The following GSAP variants were observed in gnomAD, a reference collection of about 807,000 sequenced individuals.
GSAP encodes gamma-secretase-activating protein.
Under a neutral mutation model 131.7 loss-of-function variants are expected in GSAP, and 118 were observed. The ratio of observed to expected loss-of-function variants is 0.90; its 90% CI spans 0.77 to 1.04. GSAP has a LOEUF of 1.04. Among genes scored for constraint, GSAP ranks in the 50% least tolerant of loss-of-function variants. The pLI is 0.00. For synonymous variants in GSAP, 381 were observed against 363.4 expected (o/e 1.05, Z -0.55); for missense variants, 1,019 against 1,013.2 (o/e 1.01, Z -0.08).
At chr7:77,359,568 T>C (rs565536568) in intron 14 of GSAP, among the ~76,000 whole-genome samples, 1 of 152,324 alleles carries the variant, frequency 6.6e-6, no homozygotes, top group East Asian at 1.9e-4. Flanking sequence ...ACAATATTGT[T>C]GTCATAAAAA....
At chr7:77,340,252 C>T (rs1221812456) in intron 19 of GSAP, among the ~76,000 whole-genome samples, 1 of 152,214 alleles carries the variant, frequency 6.6e-6, no homozygotes, top group Non-Finnish European at 1.5e-5. Flanking sequence ...AGTCCCACCC[C>T]TCTATCTCCT....
chr7:77,384,059 A>C (rs1249130862), intron 6 of GSAP, among the ~76,000 whole-genome samples: 3 of 152,258 alleles, frequency 2.0e-5, no homozygotes, highest in Non-Finnish European at 2.9e-5. Context: ...TTGTCTCATA[A>C]TTTGTAAAAT....
chr7:77,314,333 C>T (rs746137922), intron 27 of GSAP, 37 bp downstream of exon 27: 1 of 1,610,886 alleles, frequency 6.2e-7, no homozygotes, highest in Non-Finnish European at 8.5e-7. Context: ...GGTGCTCAGG[C>T]TGGAACTAGC....
intron 1 of GSAP, among the ~76,000 whole-genome samples, chr7:77,414,843 A>C (rs1227064986): frequency 6.8e-5 from 4 of 58,426 alleles, no homozygotes; most frequent in African/African-American, 2.4e-4. Flanking sequence ...CATGTGGGCG[A>C]CTTTTTTTTT....
chr7:77,331,095 C>T (rs542134969), intron 19 of GSAP, among the ~76,000 whole-genome samples: 5 of 152,222 alleles, frequency 3.3e-5, no homozygotes, highest in East Asian at 1.9e-4. Flanking sequence ...GGGCGGATCA[C>T]GAAGTCAGGA....
chr7:77,337,897 T>C, intron 19 of GSAP, among the ~76,000 whole-genome samples: 1 of 152,134 alleles, frequency 6.6e-6, no homozygotes, highest in East Asian at 1.9e-4. Context: ...ATGTGTGTAA[T>C]CCCAGCACTT....
At chr7:77,383,532 G>A (rs1014277641) in intron 6 of GSAP, among the ~76,000 whole-genome samples, 1 of 152,174 alleles carries the variant, frequency 6.6e-6, no homozygotes, top group African/African-American at 2.4e-5. Context: ...TGAAAGCACA[G>A]AACGACTGTC....
chr7:77,323,527 G>A lies in GSAP; in HGVS notation c.1923+120C>T, dbSNP rs887189789. The A allele has an allele frequency of 2.6e-5, 14 of 541,604 alleles. 1 individual carries two copies. The highest frequency in any genetic ancestry group is 1.6e-4 in the South Asian group (6 of 37,500). The allele number at this position is 541,604 out of a possible 1,614,324, so 33.5% of individuals were successfully genotyped here. A position where few individuals can be genotyped will look rare whatever the true frequency, so the allele number is the denominator to read the frequency against. ...CAGCACCAAATACTGATTTAAGAAC[G>A]GGAGATCTCCAAAAATCTAATTTGA... On this transcript the variant is annotated intron_variant, in intron 24 of 30. Transcript: ENST00000257626.
At chr7:77,351,735 C>T in intron 18 of GSAP, 1 of 985,730 alleles carries the variant, frequency 1.0e-6, no homozygotes. Flanking sequence ...GTGATATTCT[C>T]ACACCACATC....
intron 12 of GSAP, among the ~76,000 whole-genome samples, chr7:77,367,161 T>G (rs1386865503): frequency 6.6e-6 from 1 of 152,212 alleles, no homozygotes; most frequent in Non-Finnish European, 1.5e-5. Flanking sequence ...TCATGCCGTA[T>G]GCAAACAGGG....
intron 22 of GSAP, 57 bp downstream of exon 22, chr7:77,328,549 G>A (rs1017409009): frequency 4.1e-5 from 65 of 1,590,880 alleles, no homozygotes; most frequent in Non-Finnish European, 4.9e-5. Flanking sequence ...GAAGAACAGT[G>A]CTACAAACAA....
At chr7:77,350,593 A>AT (rs1337514638) in intron 18 of GSAP, among the ~76,000 whole-genome samples, 1 of 145,420 alleles carries the variant, frequency 6.9e-6, no homozygotes, top group African/African-American at 2.6e-5. Context: ...AAAAAAAAAA[A>AT]TTAGCCAGCC....
rs764872926 is a variant in GSAP, at chr7:77,311,456, A to G, written c.2474-7T>C. 3.3e-5 allele frequency: 52 copies of G among 1,553,650 alleles called. No homozygotes were observed. Among genetic ancestry groups the G allele is most frequent in the Non-Finnish European group, 3.9e-5 (44 of 1,125,914 alleles). ...CCTTCAAAAGGATACAGGGCTGGAA[A>G]AAAATGGGGAGAGGGCAGGGAAAAA... On this transcript the variant is annotated splice_polypyrimidine_tract_variant and splice_region_variant and intron_variant, in intron 30 of 30. Transcript: ENST00000257626.
At chr7:77,328,139 T>C (rs760870329) in intron 22 of GSAP, 6 of 851,696 alleles carry the variant, frequency 7.0e-6, no homozygotes, top group Admixed American at 6.1e-5. Context: ...AAGCCTGTGC[T>C]CTTTCCCCCA....
intron 18 of GSAP, chr7:77,350,978 T>TA (rs559996884): frequency 2.7e-4 from 79 of 294,684 alleles, no homozygotes; most frequent in South Asian, 1.5e-3. Flanking sequence ...TTCATTTCCT[T>TA]AAAAAAAAGT....
At chr7:77,359,624 A>G (rs1794261006) in intron 14 of GSAP, among the ~76,000 whole-genome samples, 1 of 152,214 alleles carries the variant, frequency 6.6e-6, no homozygotes, top group African/African-American at 2.4e-5. Context: ...TTGTGCCTAT[A>G]AAATATGCTT....
chr7:77,352,867 T>C (rs943616592), intron 18 of GSAP, 77 bp downstream of exon 18: 5 of 827,182 alleles, frequency 6.0e-6, no homozygotes, highest in Non-Finnish European at 1.0e-5. Flanking sequence ...TTGATGGCTA[T>C]AAGAGAGGTG....
At chr7:77,340,151 C>T (rs932175797) in intron 19 of GSAP, among the ~76,000 whole-genome samples, 28 of 152,184 alleles carry the variant, frequency 1.8e-4, no homozygotes, top group South Asian at 6.2e-4. Flanking sequence ...AGAAGCTCCC[C>T]GACTGAGCAC....
At chr7:77,379,312 A>G (rs970900329) in intron 8 of GSAP, among the ~76,000 whole-genome samples, 2 of 151,526 alleles carry the variant, frequency 1.3e-5, no homozygotes, top group Non-Finnish European at 2.9e-5. Flanking sequence ...GATAAGCCTA[A>G]TACCATCTCT....
Sources: gnomAD v4.1 joint callset for allele counts (sites outside exome capture counted in the v4.1 genomes callset) on GRCh38, gnomAD v4.1.1 for gene constraint, MANE v1.5 for transcripts, NCBI Gene and HGNC (gene_info 2026-07-23, HGNC 2026-07-21) for gene names.